Variants in HDAC9 observed in about 807,000 individuals in gnomAD.
HDAC9 encodes the protein histone deacetylase 9.
In HDAC9, 41 loss-of-function variants were observed where a neutral mutation model predicts 139.4. The ratio of observed to expected loss-of-function variants is 0.29; its 90% confidence interval spans 0.23 to 0.38. HDAC9 has a LOEUF of 0.38. HDAC9 is among the 10% of genes least tolerant of loss of function. The pLI is 1.00. For missense variants in HDAC9, 1,147 were observed against 1,297.0 expected (o/e 0.88, Z 1.78); for synonymous variants, 517 against 476.2 (o/e 1.09, Z -1.12).
At chr7:18,985,501 C>G (rs1051251629) in intron 25 of HDAC9, among the ~76,000 whole-genome samples, 5 of 152,028 alleles carry the variant, frequency 3.3e-5, no homozygotes, top group Non-Finnish European at 5.9e-5. Flanking sequence ...CCAAGTCTTT[C>G]CTATTGTGAA....
upstream of HDAC9, among the ~76,000 whole-genome samples, chr7:18,492,842 A>G (rs145196913): frequency 5.7e-4 from 86 of 152,076 alleles, no homozygotes; most frequent in African/African-American, 2.0e-3. Context: ...AATATAGTTG[A>G]TGGTTGTTTT....
intron 2 of HDAC9, among the ~76,000 whole-genome samples, chr7:18,270,160 C>T (rs1251854297): frequency 6.6e-6 from 1 of 151,968 alleles, no homozygotes; most frequent in Non-Finnish European, 1.5e-5. Flanking sequence ...CAGAATGGTC[C>T]TTGTTGAAAT....
intron 17 of HDAC9, among the ~76,000 whole-genome samples, chr7:18,822,350 G>C: frequency 7.0e-6 from 1 of 142,104 alleles, no homozygotes; most frequent in East Asian, 3.0e-4. Context: ...TTGTTTGTTT[G>C]TTGTTGTTGT....
At chr7:18,773,294 C>T (rs13243526) in intron 16 of HDAC9, among the ~76,000 whole-genome samples, 62,580 of 151,122 alleles carry the variant, frequency 0.41, 14,248 homozygotes, top group Non-Finnish European at 0.53. Context: ...AAAAAAATGC[C>T]ATCATCAAAG....
At chr7:18,908,693 G>C (rs1260285054) in intron 22 of HDAC9, among the ~76,000 whole-genome samples, 4 of 151,282 alleles carry the variant, frequency 2.6e-5, no homozygotes, top group Non-Finnish European at 4.4e-5. Flanking sequence ...ATGTTCTCTT[G>C]GCTCATCTAG....
chr7:18,555,870 A>G (rs1818641028), intron 2 of HDAC9, among the ~76,000 whole-genome samples: 1 of 152,098 alleles, frequency 6.6e-6, no homozygotes, highest in African/African-American at 2.4e-5. Flanking sequence ...AATTTTTATA[A>G]CATGGCAAAA....
At chr7:18,640,704 C>A (rs923526302) in intron 8 of HDAC9, among the ~76,000 whole-genome samples, 1 of 152,028 alleles carries the variant, frequency 6.6e-6, no homozygotes, top group Non-Finnish European at 1.5e-5. Flanking sequence ...TTATCTGCAT[C>A]ATTCCATTTT....
At chr7:18,794,646 A>G (rs1431024110) in intron 17 of HDAC9, among the ~76,000 whole-genome samples, 1 of 152,218 alleles carries the variant, frequency 6.6e-6, no homozygotes, top group African/African-American at 2.4e-5. Flanking sequence ...AAATGAGCAA[A>G]TAAAAAGAGG....
At chr7:18,750,880 A>G (rs1788383792) in intron 14 of HDAC9, among the ~76,000 whole-genome samples, 1 of 152,038 alleles carries the variant, frequency 6.6e-6, no homozygotes, top group Non-Finnish European at 1.5e-5. Context: ...TGCTGCTTAC[A>G]TTTTTTCACA....
intron 16 of HDAC9, among the ~76,000 whole-genome samples, chr7:18,780,265 T>G (rs1791133503): frequency 1.3e-5 from 2 of 152,080 alleles, no homozygotes; most frequent in Admixed American, 6.6e-5. Context: ...GGGGATCAAA[T>G]ATGTCATTAC....
chr7:18,617,838 G>C (rs1165694867), intron 6 of HDAC9, among the ~76,000 whole-genome samples: 2 of 151,842 alleles, frequency 1.3e-5, no homozygotes, highest in African/African-American at 4.8e-5. Flanking sequence ...CATTTATTTG[G>C]GTATTTAAAA....
intron 1 of HDAC9, among the ~76,000 whole-genome samples, chr7:18,155,701 G>A (rs923712241): frequency 5.9e-5 from 9 of 152,158 alleles, no homozygotes; most frequent in African/African-American, 2.2e-4. Context: ...TGTGTTAGAT[G>A]TGTGGCCTTC....
At chr7:18,816,892 A>G (rs1201422253) in intron 17 of HDAC9, among the ~76,000 whole-genome samples, 1 of 152,234 alleles carries the variant, frequency 6.6e-6, no homozygotes, top group Non-Finnish European at 1.5e-5. Flanking sequence ...GGAAGCAGTC[A>G]CATATAAATG....
intron 2 of HDAC9, chr7:18,578,265 C>A (rs1350274124): frequency 3.9e-6 from 2 of 518,350 alleles, no homozygotes; most frequent in Non-Finnish European, 7.7e-6. Context: ...CTTTTCCACA[C>A]AATGACATCG....
At chr7:18,499,574 G>A (rs1053107804) in intron 2 of HDAC9, among the ~76,000 whole-genome samples, 2 of 152,048 alleles carry the variant, frequency 1.3e-5, no homozygotes, top group African/African-American at 4.8e-5. Context: ...TATTGACTCA[G>A]GTCACTCTGC....
intron 1 of HDAC9, among the ~76,000 whole-genome samples, chr7:18,397,211 T>G (rs1322435233): frequency 6.6e-6 from 1 of 151,714 alleles, no homozygotes; most frequent in Non-Finnish European, 1.5e-5. Context: ...CAGAAGGGAG[T>G]GGTCCTTGTA....
At chr7:18,774,342 TA>T in intron 16 of HDAC9, among the ~76,000 whole-genome samples, 1 of 152,166 alleles carries the variant, frequency 6.6e-6, no homozygotes, top group Non-Finnish European at 1.5e-5. Flanking sequence ...TGTTATATTC[TA>T]AATATTATGA....
intron 2 of HDAC9, among the ~76,000 whole-genome samples, chr7:18,269,062 A>C (rs1000055859): frequency 1.3e-5 from 2 of 152,174 alleles, no homozygotes; most frequent in African/African-American, 4.8e-5. Context: ...CATTATGATG[A>C]GTTTGCTGCC....
At chr7:18,616,634 C>T (rs996767111) in intron 6 of HDAC9, among the ~76,000 whole-genome samples, 2 of 152,050 alleles carry the variant, frequency 1.3e-5, no homozygotes, top group Non-Finnish European at 2.9e-5. Context: ...GTTCCAAAAC[C>T]ATAAAGGTTG....
Sources: allele counts gnomAD v4.1 joint callset (sites outside exome capture counted in the v4.1 genomes callset), GRCh38; gene constraint gnomAD v4.1.1; transcripts MANE v1.5; gene names NCBI Gene and HGNC (gene_info 2026-07-23, HGNC 2026-07-21).